The following TTC7B variants were observed in gnomAD, a reference collection of about 807,000 sequenced individuals.
The protein encoded by TTC7B is tetratricopeptide repeat domain 7B.
Under a neutral mutation model 106.8 loss-of-function variants are expected in TTC7B, and 28 were observed. The ratio of observed to expected loss-of-function variants is 0.26; its 90% CI spans 0.19 to 0.36. The LOEUF is 0.36. Ranked by LOEUF, TTC7B falls within the 10% of genes least tolerant of loss-of-function variation. The pLI, the probability that TTC7B is intolerant of heterozygous loss-of-function variation, is 1.00. For synonymous variants in TTC7B, 405 were observed against 430.6 expected (o/e 0.94, Z 0.74); for missense variants, 862 against 1,076.4 (o/e 0.80, Z 2.79).
chr14:90,572,440 G>A (rs139225075), intron 19 of TTC7B, among the ~76,000 whole-genome samples: 218 of 152,276 alleles, frequency 1.4e-3, no homozygotes, highest in African/African-American at 4.8e-3. Flanking sequence ...TCAATCTGCC[G>A]CACCTTCGGG....
At chr14:90,771,557 G>A (rs895644993) in intron 3 of TTC7B, among the ~76,000 whole-genome samples, 22 of 151,976 alleles carry the variant, frequency 1.4e-4, no homozygotes, top group African/African-American at 5.3e-4. Context: ...CTGAGATTGC[G>A]CCACTGCACT....
chr14:90,629,429 TG>T (rs1445843029), intron 15 of TTC7B, among the ~76,000 whole-genome samples: 1 of 152,176 alleles, frequency 6.6e-6, no homozygotes, highest in Admixed American at 6.5e-5. Context: ...CAGTGAAACT[TG>T]GCAGAGTAGA....
chr14:90,625,306 C>T (rs556055192), intron 15 of TTC7B, among the ~76,000 whole-genome samples: 1 of 152,140 alleles, frequency 6.6e-6, no homozygotes, highest in Non-Finnish European at 1.5e-5. Flanking sequence ...CCCAGTGCTG[C>T]CCAAGGAGAG....
At chr14:90,601,526 T>A (rs1892422760) in intron 17 of TTC7B, among the ~76,000 whole-genome samples, 1 of 152,208 alleles carries the variant, frequency 6.6e-6, no homozygotes, top group Non-Finnish European at 1.5e-5. Context: ...TTCACTAGAA[T>A]CAGTGATAGG....
At chr14:90,795,813 A>G (rs1001548746) in intron 1 of TTC7B, among the ~76,000 whole-genome samples, 3 of 152,218 alleles carry the variant, frequency 2.0e-5, no homozygotes, top group African/African-American at 4.8e-5. Flanking sequence ...CAGGCCTGCA[A>G]TGTAGCAGGA....
At chr14:90,795,367 G>A (rs960756297) in intron 1 of TTC7B, among the ~76,000 whole-genome samples, 3 of 152,212 alleles carry the variant, frequency 2.0e-5, no homozygotes, top group African/African-American at 4.8e-5. Flanking sequence ...CCTTACACTC[G>A]AATTGTGCGC....
At chr14:90,649,779 C>A (rs1219680185) in intron 13 of TTC7B, among the ~76,000 whole-genome samples, 1 of 151,478 alleles carries the variant, frequency 6.6e-6, no homozygotes, top group Admixed American at 6.6e-5. Flanking sequence ...ATCCAACCAT[C>A]CACCTACCCA....
chr14:90,566,345 C>CAA (rs899248713), intron 19 of TTC7B, among the ~76,000 whole-genome samples: 3 of 134,562 alleles, frequency 2.2e-5, no homozygotes, highest in Non-Finnish European at 4.8e-5. Flanking sequence ...ACTCTATCTC[C>CAA]AAAAAAAAAA....
In TTC7B at chr14:90,702,905, C is replaced by T. The variant is rs1888052293; in HGVS notation, c.699-7327G>A. On this transcript the variant is annotated intron_variant, in intron 5 of 19. Transcript: ENST00000328459. ...GGGGTGGGGCACGGACAGATGACCG[C>T]GTGTCTGGCAGGTGTGAATCCTGAC... Among the ~76,000 whole-genome samples, 3 of 152,150 alleles carry T rather than the reference C, an allele frequency of 2.0e-5. No individual in the cohort carries two copies. The South Asian group carries it at 6.2e-4, about 31-fold the overall frequency.
At chr14:90,728,679 A>T (rs549140120) in intron 5 of TTC7B, among the ~76,000 whole-genome samples, 2 of 152,262 alleles carry the variant, frequency 1.3e-5, no homozygotes, top group Non-Finnish European at 2.9e-5. Flanking sequence ...CAAATAAATT[A>T]CCCAACCCAC....
At chr14:90,766,900 T>C (rs61741695) in intron 3 of TTC7B, 193,148 of 1,570,526 alleles carry the variant, frequency 0.12, 14,428 homozygotes, top group African/African-American at 0.34. Context: ...TAGAGGGCTG[T>C]GCCACTCCTG....
intron 4 of TTC7B, among the ~76,000 whole-genome samples, chr14:90,740,636 G>A (rs1595339423): frequency 1.3e-5 from 2 of 151,262 alleles, no homozygotes; most frequent in Admixed American, 1.3e-4. Context: ...CGAGTAGCTG[G>A]TATTACAGGC....
In TTC7B at chr14:90,534,263, C is replaced by A. The variant is rs974961460; in HGVS notation, c.*7105G>T. The A allele has an allele frequency of 6.6e-6, 1 of 152,388 alleles. No individual in the cohort carries two copies. The highest frequency in any genetic ancestry group is 2.4e-5 in the African/African-American group (1 of 41,466). The allele number at this position is 152,388 out of a possible 1,614,324, so 9.4% of individuals were successfully genotyped here. On this transcript the variant is annotated 3_prime_UTR_variant, in exon 20 of 20. Coordinates refer to ENST00000328459, the MANE Select transcript of TTC7B (RefSeq NM_001010854.2). ...GGCAGGGGCAGCAGGAAATGCATGA[C>A]CACAAGTGTGGGAGGAATGTTAGTG...
intron 12 of TTC7B, 122 bp from the exon 13 acceptor site, chr14:90,653,020 T>C (rs1390003875): frequency 2.2e-5 from 21 of 971,492 alleles, no homozygotes; most frequent in Admixed American, 3.6e-5. Flanking sequence ...AGTGCCTACG[T>C]GCCCAGTCCT....
At chr14:90,599,923 TTTC>T (rs904052369) in intron 17 of TTC7B, among the ~76,000 whole-genome samples, 2 of 152,222 alleles carry the variant, frequency 1.3e-5, no homozygotes, top group Non-Finnish European at 2.9e-5. Flanking sequence ...AGAATTTTCA[TTTC>T]TTAACAGGAA....
At chr14:90,589,963 T>C (rs968726905) in intron 18 of TTC7B, among the ~76,000 whole-genome samples, 3 of 152,198 alleles carry the variant, frequency 2.0e-5, no homozygotes, top group Admixed American at 2.0e-4. Context: ...ATAAGTCACC[T>C]TACAGGTGCT....
intron 9 of TTC7B, among the ~76,000 whole-genome samples, chr14:90,670,509 A>G (rs1886591046): frequency 6.6e-6 from 1 of 152,206 alleles, no homozygotes. Context: ...GCATATTAAA[A>G]AAAAATTTTA....
intron 15 of TTC7B, among the ~76,000 whole-genome samples, chr14:90,635,192 A>G: frequency 6.6e-6 from 1 of 152,178 alleles, no homozygotes; most frequent in East Asian, 1.9e-4. Flanking sequence ...GTCTGCCAGC[A>G]ATAGACCCTC....
Position 90,527,132 on chromosome 14 carries a change from C to A in TTC7B, c.*14236G>T. Reference sequence around the variant, plus strand: ...GAGTTATGGGTTTGGGGGAAGAAGACCACAGAGATGAGGTGCCCTGCTCAC... The same window carrying A: ...GAGTTATGGGTTTGGGGGAAGAAGAACACAGAGATGAGGTGCCCTGCTCAC... On this transcript the variant is annotated 3_prime_UTR_variant, in exon 20 of 20. Coordinates refer to ENST00000328459, the MANE Select transcript of TTC7B (RefSeq NM_001010854.2). 6.6e-6 allele frequency: 1 copy of A among 152,034 alleles called. No homozygotes were observed. Among genetic ancestry groups the A allele is most frequent in the Non-Finnish European group, 1.5e-5 (1 of 68,030 alleles). The allele number at this position is 152,034 out of a possible 1,614,324, so 9.4% of individuals were successfully genotyped here. A position where few individuals can be genotyped will look rare whatever the true frequency, so the allele number is the denominator to read the frequency against.
Sources: allele counts gnomAD v4.1 joint callset (sites outside exome capture counted in the v4.1 genomes callset), GRCh38; gene constraint gnomAD v4.1.1; transcripts MANE v1.5; gene names NCBI Gene and HGNC (gene_info 2026-07-23, HGNC 2026-07-21).